The following NEK2 variants were observed in gnomAD, a reference collection of about 807,000 sequenced individuals.
The protein encoded by NEK2 is NIMA related kinase 2.
Under a neutral mutation model 54.1 loss-of-function variants are expected in NEK2, and 28 were observed. The ratio of observed to expected loss-of-function variants is 0.52; its 90% CI spans 0.38 to 0.71. The LOEUF is 0.71. NEK2 is among the 30% of genes least tolerant of loss of function. The pLI is 0.00. For synonymous variants in NEK2, 176 were observed against 193.1 expected, an observed-to-expected ratio of 0.91 and a Z score of 0.73; for missense variants, 407 against 531.5, an observed-to-expected ratio of 0.77 and a Z score of 2.30.
chr1:211,660,548 C>G, downstream of NEK2: 1 of 633,460 alleles, frequency 1.6e-6, no homozygotes, highest in Non-Finnish European at 3.0e-6. Context: ...TTAAAGAACT[C>G]TCCCATCTCC....
At chr1:211,662,674 T>C, downstream of NEK2, 1 of 535,682 alleles carries the variant, frequency 1.9e-6, no homozygotes, top group Non-Finnish European at 2.4e-6. This position sits in a 1 kb window ranked among gnomAD's most constrained non-coding sequence, Gnocchi z 4.2. Flanking sequence ...CCCTTGAGCA[T>C]CAGATCCATG....
chr1:211,670,993 C>T lies in NEK2; in HGVS notation c.638+209G>A, dbSNP rs77457531. On this transcript the variant is annotated intron_variant, in intron 4 of 7. Coordinates refer to ENST00000366999, the MANE Select transcript of NEK2 (RefSeq NM_002497.4). ...CACCTAACCAGCCAAGACCCTTGAA[C>T]AGTCAAGACCCAGCCTCATGGCTTA... Among the ~76,000 whole-genome samples, 14 of 152,356 alleles carry T rather than the reference C, an allele frequency of 9.2e-5. No individual in the cohort carries two copies. In the East Asian group the frequency reaches 2.5e-3, roughly 27 times the overall value.
chr1:211,675,324 G>A, intron 1 of NEK2, 60 bp downstream of exon 1: 1 of 1,489,554 alleles, frequency 6.7e-7, no homozygotes, highest in Non-Finnish European at 9.3e-7. Context: ...GGCGCAGGGC[G>A]CTCGCCCCGA....
In NEK2 at chr1:211,674,319, T is replaced by G; in HGVS notation, c.291A>C (p.Val97=). The G allele has an allele frequency of 1.2e-6, 2 of 1,611,426 alleles. No individual in the cohort carries two copies. The highest frequency in any genetic ancestry group is 1.7e-6 in the Non-Finnish European group (2 of 1,178,372). ...ACCTTTCCTTGGTTCCCTTTGTAAT[T>G]ACACTAGCCAGATCCCCTCCTTCAC... The part of the protein sequence containing the change: ...EYCEGGDLAS[V]ITKGTKERQY... Residue 97 remains valine (V), a synonymous_variant, in exon 2 of 8, where the codon GTA becomes GTC. Transcript: ENST00000366999.
chr1:211,670,869 G>A (rs142260342), intron 4 of NEK2, among the ~76,000 whole-genome samples: 280 of 151,864 alleles, frequency 1.8e-3, no homozygotes, highest in Middle Eastern at 0.01. Context: ...ACCTCTACCC[G>A]AGTCTTGTTT....
At chr1:211,667,017 A>T (rs560036498) in intron 7 of NEK2, 89 bp downstream of exon 7, 2 of 1,554,972 alleles carry the variant, frequency 1.3e-6, no homozygotes, top group South Asian at 2.5e-5. Flanking sequence ...GTAAATGAAA[A>T]GGGCTACCTA....
At chr1:211,660,431 G>A (rs1654989142), downstream of NEK2, 2 of 703,510 alleles carry the variant, frequency 2.8e-6, no homozygotes, top group Non-Finnish European at 5.3e-6. Flanking sequence ...GTGGCCCATT[G>A]CAGACACTGA....
chr1:211,663,734 T>C, intron 7 of NEK2, 82 bp from the exon 8 acceptor site: 1 of 1,337,616 alleles, frequency 7.5e-7, no homozygotes, highest in Non-Finnish European at 1.0e-6. Flanking sequence ...CAAAAAGTAT[T>C]TGCTCTTATG....
In NEK2 at chr1:211,662,998, T is replaced by C; in HGVS notation, c.*428A>G. 2.0e-6 allele frequency: 2 copies of C among 990,894 alleles called. No homozygotes were observed. The highest frequency in any genetic ancestry group is 2.4e-6 in the Non-Finnish European group (2 of 832,954). 61.4% of individuals were successfully genotyped at this position (990,894 alleles called of 1,614,324 possible). On this transcript the variant is annotated 3_prime_UTR_variant, in exon 8 of 8. Transcript: ENST00000366999. This position sits in a 1 kb window ranked among gnomAD's most constrained non-coding sequence, Gnocchi z 4.2. Reference sequence around the variant, plus strand: ...ACTGGGTTTTCTAAGCTCAAAAACATTTAAAATCTCAGACTTAAAATTTAA... The same window carrying C: ...ACTGGGTTTTCTAAGCTCAAAAACACTTAAAATCTCAGACTTAAAATTTAA...
chr1:211,665,602 T>C (rs1252755034), intron 7 of NEK2, among the ~76,000 whole-genome samples: 1 of 152,208 alleles, frequency 6.6e-6, no homozygotes, highest in Non-Finnish European at 1.5e-5. Flanking sequence ...ATGATTTAAG[T>C]CTATTTTGTC....
intron 5 of NEK2, 195 bp from the exon 6 acceptor site, chr1:211,669,527 T>G: frequency 3.4e-6 from 2 of 589,060 alleles, no homozygotes; most frequent in South Asian, 4.2e-5. Context: ...CACAAGGTAA[T>G]GCAGATGTTA....
intron 5 of NEK2, 72 bp downstream of exon 5, chr1:211,670,209 C>T: frequency 7.0e-7 from 1 of 1,421,918 alleles, no homozygotes; most frequent in South Asian, 1.3e-5. Context: ...CATTGATCTA[C>T]AAGAGAGAAT....
At position 211,671,246 on chromosome 1, in the gene NEK2, A is replaced by G. The variant is rs1177044040; in HGVS notation, c.594T>C (p.Asp198=). The G allele has an allele frequency of 1.9e-6, 3 of 1,613,748 alleles. No homozygotes were observed. In the South Asian group the frequency reaches 3.3e-5, roughly 18 times the overall value. The change falls in exon 4 of 8, where the codon GAT becomes GAC. Residue 198 remains aspartate (D), a synonymous_variant. Coordinates refer to ENST00000366999, the MANE Select transcript of NEK2 (RefSeq NM_002497.4). The part of the protein sequence containing the change: ...MNRMSYNEKS[D]IWSLGCLLYE... Reference sequence around the variant, plus strand: ...ACAGCAAGCAGCCCAATGACCAGATATCTGATTTCTCATTGTAGGACATGC... The same window carrying G: ...ACAGCAAGCAGCCCAATGACCAGATGTCTGATTTCTCATTGTAGGACATGC...
At chr1:211,660,358 T>G (rs1654987226), downstream of NEK2, 2 of 574,118 alleles carry the variant, frequency 3.5e-6, no homozygotes, top group Admixed American at 2.1e-5. Context: ...TGCCTTCTCC[T>G]GGACCACCTT....
intron 7 of NEK2, among the ~76,000 whole-genome samples, chr1:211,664,518 G>A (rs1655115211): frequency 6.6e-6 from 1 of 152,190 alleles, no homozygotes; most frequent in East Asian, 1.9e-4. Context: ...CTGGAAACAG[G>A]GACATGCTGG....
At chr1:211,663,764 G>C in intron 7 of NEK2, 112 bp from the exon 8 acceptor site, 1 of 1,058,698 alleles carries the variant, frequency 9.4e-7, no homozygotes, top group South Asian at 1.6e-5. Flanking sequence ...TGAAATCTAG[G>C]TGCCTGTTTT....
chr1:211,662,663 T>A (rs1031518363), downstream of NEK2: 10 of 432,484 alleles, frequency 2.3e-5, no homozygotes, highest in African/African-American at 2.1e-4. This position sits in a 1 kb window ranked among gnomAD's most constrained non-coding sequence, Gnocchi z 4.2. Flanking sequence ...GGAATGCCAC[T>A]CCCTTGAGCA....
intron 5 of NEK2, among the ~76,000 whole-genome samples, chr1:211,669,868 C>T (rs748985039): frequency 2.0e-5 from 3 of 152,268 alleles, no homozygotes; most frequent in South Asian, 2.1e-4. Context: ...AGCTGTCCTC[C>T]GTCCGCCCTC....
rs554165380 is a variant in NEK2, at chr1:211,665,025, G to T, written c.1112-1373C>A. ...CTTAATGGGACAGTTTTATAAGAAAGAAAGTGTTTTAAAAACATTTTTAAA... is the reference window on the plus strand; with the variant it reads ...CTTAATGGGACAGTTTTATAAGAAATAAAGTGTTTTAAAAACATTTTTAAA... On this transcript the variant is annotated intron_variant, in intron 7 of 7. Transcript: ENST00000366999. 2.0e-5 allele frequency among the ~76,000 whole-genome samples: 3 copies of T among 152,292 alleles called. No individual in the cohort carries two copies. The South Asian group carries it at 6.2e-4, about 32-fold the overall frequency.
Sources: gnomAD v4.1 joint callset for allele counts (sites outside exome capture counted in the v4.1 genomes callset) on GRCh38, gnomAD v4.1.1 for gene constraint, Gnocchi (gnomAD v3.1) non-coding constraint, MANE v1.5 for transcripts, NCBI Gene and HGNC (gene_info 2026-07-23, HGNC 2026-07-21) for gene names.